Variants in COL22A1 observed in about 807,000 individuals in gnomAD.
COL22A1 encodes collagen alpha-1(XXII) chain.
In COL22A1, 221 loss-of-function variants were observed where a neutral mutation model predicts 248.9. The ratio of observed to expected loss-of-function variants is 0.89; its 90% CI spans 0.80 to 0.99. The LOEUF (loss-of-function observed/expected upper bound fraction) is 0.99, where lower values mean the gene tolerates loss of function less well. Among genes scored for constraint, COL22A1 ranks in the 50% least tolerant of loss-of-function variants. The pLI, the probability that COL22A1 is intolerant of heterozygous loss-of-function variation, is 0.00. For synonymous variants in COL22A1, 891 were observed against 793.4 expected (o/e 1.12, Z -2.07); for missense variants, 2,240 against 2,179.0 (o/e 1.03, Z -0.56).
intron 11 of COL22A1, among the ~76,000 whole-genome samples, chr8:138,799,613 G>A (rs1816833804): frequency 6.6e-6 from 1 of 152,084 alleles, no homozygotes; most frequent in Non-Finnish European, 1.5e-5. Context: ...GGATGACGAT[G>A]GTTTTAACAA....
In COL22A1 at chr8:138,896,701, G is replaced by A. The variant is rs139998510; in HGVS notation, c.-72-13457C>T. Among the ~76,000 whole-genome samples, 25 of 152,252 alleles carry A rather than the reference G, an allele frequency of 1.6e-4. No homozygotes were observed. The East Asian group carries it at 2.9e-3, about 18-fold the overall frequency. On this transcript the variant is annotated intron_variant, in intron 1 of 64. Coordinates refer to ENST00000303045, the MANE Select transcript of COL22A1 (RefSeq NM_152888.3). ...TAAAATTCCATTCAAGGCCAGACGC[G>A]GTGGCTTATGCTTGTAATCCCAACA...
At chr8:138,790,891 C>A (rs1443781597) in intron 12 of COL22A1, among the ~76,000 whole-genome samples, 11 of 152,108 alleles carry the variant, frequency 7.2e-5, no homozygotes, top group Non-Finnish European at 1.6e-4. Flanking sequence ...AAGAGTTAAT[C>A]ATTCTCCAAA....
chr8:138,649,863 A>G (rs1822543664), intron 45 of COL22A1, 85 bp from the exon 46 acceptor site: 1 of 766,864 alleles, frequency 1.3e-6, no homozygotes, highest in Non-Finnish European at 2.1e-6. Flanking sequence ...CCTGGCTGCT[A>G]TCTCTCCAGA....
At position 138,607,957 on chromosome 8, in the gene COL22A1, C is replaced by T. The variant is rs756576971; in HGVS notation, c.4011G>A (p.Glu1337=). 1.2e-6 allele frequency: 2 copies of T among 1,614,080 alleles called. No individual in the cohort carries two copies. The highest frequency in any genetic ancestry group is 1.1e-5 in the South Asian group (1 of 91,060). Residue 1337 remains glutamate (E), a synonymous_variant, in exon 57 of 65, where the codon GAG becomes GAA. Transcript: ENST00000303045. The part of the protein sequence containing the change: ...GKNGSPGSPG[E]PGPSGTPGQK... Reference sequence around the variant, plus strand: ...TCACAGGGGTTCCTGAAGGGCCAGGCTCTCCTGGAGATCCCGGTGATCCAT... The same window carrying T: ...TCACAGGGGTTCCTGAAGGGCCAGGTTCTCCTGGAGATCCCGGTGATCCAT...
chr8:138,653,119 G>A (rs1238568314), intron 45 of COL22A1, among the ~76,000 whole-genome samples: 1 of 152,128 alleles, frequency 6.6e-6, no homozygotes, highest in Admixed American at 6.5e-5. Context: ...GTGGTTTGAA[G>A]TACCAAGTAA....
At chr8:138,652,006 T>C (rs548880385) in intron 45 of COL22A1, among the ~76,000 whole-genome samples, 2 of 152,312 alleles carry the variant, frequency 1.3e-5, no homozygotes, top group East Asian at 1.9e-4. Context: ...CAGACCTACC[T>C]GTGAGGGAGC....
chr8:138,601,949 G>T (rs1056887294), intron 60 of COL22A1, among the ~76,000 whole-genome samples, 166 bp downstream of exon 60: 2 of 152,194 alleles, frequency 1.3e-5, no homozygotes, highest in African/African-American at 2.4e-5. Flanking sequence ...ACCTCCCTTT[G>T]TGGGGCTGGT....
At chr8:138,659,978 G>T (rs1275488075) in intron 44 of COL22A1, among the ~76,000 whole-genome samples, 7 of 152,198 alleles carry the variant, frequency 4.6e-5, no homozygotes, top group African/African-American at 1.7e-4. Flanking sequence ...TTGCTCATTT[G>T]CTCACCCCAG....
At chr8:138,685,436 T>C in intron 37 of COL22A1, 124 bp from the exon 38 acceptor site, 1 of 745,290 alleles carries the variant, frequency 1.3e-6, no homozygotes, top group Admixed American at 2.6e-5. Context: ...AGAAGGCCCA[T>C]GCTTTCTGGG....
At chr8:138,870,593 A>G (rs939681990) in intron 3 of COL22A1, among the ~76,000 whole-genome samples, 1 of 151,522 alleles carries the variant, frequency 6.6e-6, no homozygotes, top group Admixed American at 6.6e-5. Flanking sequence ...GTGTTTGTGC[A>G]TGTGTTCATG....
rs112185158 is a variant in COL22A1 at position 138,696,635 on chromosome 8, G to A, written c.2593-1756C>T. ...GGCAGTTGGAGACCACATGGCCTGC[G>A]GCTGTCTTCCTCACTCAGCATCACC... On this transcript the variant is annotated intron_variant, in intron 32 of 64. Coordinates refer to ENST00000303045, the MANE Select transcript of COL22A1 (RefSeq NM_152888.3). Among the ~76,000 whole-genome samples, 395 of 152,278 alleles carry A rather than the reference G, an allele frequency of 2.6e-3. 3 individuals carry two copies. Among genetic ancestry groups the A allele is most frequent in the African/African-American group, 8.0e-3 (332 of 41,538 alleles).
rs568124145 is a variant in COL22A1 at position 138,690,166 on chromosome 8, GAAGA to G, written c.2808+651_2808+654del. 3.3e-3 allele frequency among the ~76,000 whole-genome samples: 504 copies of G among 152,338 alleles called. 2 individuals carry two copies. Among genetic ancestry groups the G allele is most frequent in the Non-Finnish European group, 3.4e-3 (229 of 68,028 alleles). On this transcript the variant is annotated intron_variant, in intron 36 of 64. Coordinates refer to ENST00000303045, the MANE Select transcript of COL22A1 (RefSeq NM_152888.3). ...TGCTTATTACCTATAAAGGCTTGATGAAGAAACAAGACTGACCTAAATCTATTGT... is the reference window on the plus strand; with the variant it reads ...TGCTTATTACCTATAAAGGCTTGATGAACAAGACTGACCTAAATCTATTGT...
intron 3 of COL22A1, among the ~76,000 whole-genome samples, chr8:138,871,622 C>A (rs190949219): frequency 4.0e-4 from 61 of 152,306 alleles, no homozygotes; most frequent in Non-Finnish European, 8.5e-4. Flanking sequence ...ATGTATGTCA[C>A]ATACCCCTGT....
At chr8:138,697,755 G>A (rs1331478665) in intron 32 of COL22A1, among the ~76,000 whole-genome samples, 1 of 152,184 alleles carries the variant, frequency 6.6e-6, no homozygotes, top group African/African-American at 2.4e-5. Context: ...CACTGCAGGG[G>A]CTCAAAGGCA....
Position 138,746,850 on chromosome 8 carries a change from C to G in COL22A1, c.2085+4608G>C, listed in dbSNP as rs371677428. On this transcript the variant is annotated intron_variant, in intron 22 of 64. Transcript: ENST00000303045. Reference sequence around the variant, plus strand: ...AGCCCTGTGCTCTGCCCAGCCCCTGCCCTTTCTCAGTGGATCACCGTGGGA... The same window carrying G: ...AGCCCTGTGCTCTGCCCAGCCCCTGGCCTTTCTCAGTGGATCACCGTGGGA... Among the ~76,000 whole-genome samples the G allele has an allele frequency of 1.3e-4, 20 of 152,330 alleles. No homozygotes were observed. The East Asian group carries it at 2.7e-3, about 21-fold the overall frequency.
At chr8:138,761,455 A>G (rs539317569) in intron 17 of COL22A1, among the ~76,000 whole-genome samples, 6 of 152,308 alleles carry the variant, frequency 3.9e-5, no homozygotes, top group African/African-American at 1.4e-4. Flanking sequence ...TATGATTCCA[A>G]TGTGTTACCT....
At chr8:138,791,189 C>T (rs959461280) in intron 12 of COL22A1, among the ~76,000 whole-genome samples, 1 of 152,190 alleles carries the variant, frequency 6.6e-6, no homozygotes, top group Non-Finnish European at 1.5e-5. Context: ...TGCTGGGCAC[C>T]TTGATGGTGA....
At chr8:138,868,996 T>C (rs1823115059) in intron 3 of COL22A1, among the ~76,000 whole-genome samples, 1 of 152,178 alleles carries the variant, frequency 6.6e-6, no homozygotes, top group Admixed American at 6.5e-5. Flanking sequence ...CCTCCAAAAG[T>C]GCTGGGATTA....
chr8:138,832,939 A>G, intron 5 of COL22A1, 100 bp downstream of exon 5: 2 of 754,824 alleles, frequency 2.6e-6, no homozygotes, highest in Admixed American at 4.4e-5. Context: ...AGAAGGTTAA[A>G]GCCCGGCTCG....
Sources: allele counts gnomAD v4.1 joint callset (sites outside exome capture counted in the v4.1 genomes callset), GRCh38; gene constraint gnomAD v4.1.1; transcripts MANE v1.5; gene names NCBI Gene and HGNC (gene_info 2026-07-23, HGNC 2026-07-21).